Variants in PC observed in about 807,000 individuals in gnomAD.
The protein encoded by PC is pyruvate carboxylase.
Under a neutral mutation model 107.8 loss-of-function variants are expected in PC, and 46 were observed. The ratio of observed to expected loss-of-function variants is 0.43; its 90% CI spans 0.34 to 0.55. The LOEUF (loss-of-function observed/expected upper bound fraction) is 0.55. Ranked by LOEUF, PC falls within the 20% of genes least tolerant of loss-of-function variation. The pLI, the probability that PC is intolerant of heterozygous loss-of-function variation, is 0.04. For missense variants in PC, 1,241 were observed against 1,643.1 expected (o/e 0.76, Z 4.23); for synonymous variants, 662 against 684.7 (o/e 0.97, Z 0.52).
rs779304016 is a variant in PC, at chr11:66,871,877, G to A, written c.137-6C>T. 2 of 1,607,020 alleles carry A rather than the reference G, an allele frequency of 1.2e-6. No individual in the cohort carries two copies. The highest frequency in any genetic ancestry group is 1.7e-5 in the Admixed American group (1 of 59,774). On this transcript the variant is annotated splice_polypyrimidine_tract_variant and splice_region_variant and intron_variant, in intron 4 of 22. Transcript: ENST00000393960. This position sits in a 1 kb window ranked among gnomAD's most constrained non-coding sequence, Gnocchi z 7.4. ...CACACGGATGGCAATCTCACCTAGA[G>A]GGCAAAGAAACAAGAAGTTAGATTC...
Position 66,848,750 on chromosome 11 carries a change from C to G in PC, c.*149G>C. On this transcript the variant is annotated 3_prime_UTR_variant, in exon 23 of 23. Transcript: ENST00000393960. ...ACGATGGCTGAAAGGAATGAACCAC[C>G]GCAGGCGGTGTCTCTCCTGTCCAGC... 1.1e-6 allele frequency: 1 copy of G among 910,552 alleles called. No homozygotes were observed. Among genetic ancestry groups the G allele is most frequent in the Admixed American group, 2.0e-5 (1 of 49,444 alleles). The allele number at this position is 910,552 out of a possible 1,614,324, so 56.4% of individuals were successfully genotyped here.
intron 3 of PC, among the ~76,000 whole-genome samples, chr11:66,942,638 GA>G (rs1949168367): frequency 1.3e-5 from 2 of 152,096 alleles, no homozygotes; most frequent in African/African-American, 4.8e-5. Flanking sequence ...TTTACAAGAT[GA>G]AAAAAAGTCT....
rs1945889657 is a variant in PC at position 66,857,035 on chromosome 11, C to G, written c.1369-3652G>C. Reference sequence around the variant, plus strand: ...CCGCGCGCCCCTCCCCGTCCGCCCTCCACGTGCGTGTCCGCGGCGCGCGCG... The same window carrying G: ...CCGCGCGCCCCTCCCCGTCCGCCCTGCACGTGCGTGTCCGCGGCGCGCGCG... On this transcript the variant is annotated intron_variant, in intron 12 of 22. Transcript: ENST00000393960. The surrounding 1 kb of genome is among the most constrained non-coding windows in gnomAD (Gnocchi z 7.1). 6.8e-6 allele frequency: 1 copy of G among 146,620 alleles called. No homozygotes were observed. Among genetic ancestry groups the G allele is most frequent in the Non-Finnish European group, 1.5e-5 (1 of 65,904 alleles). The allele number at this position is 146,620 out of a possible 1,614,324, so 9.1% of individuals were successfully genotyped here.
intron 3 of PC, among the ~76,000 whole-genome samples, chr11:66,931,502 T>C (rs1948852382): frequency 6.6e-6 from 1 of 152,076 alleles, no homozygotes; most frequent in Non-Finnish European, 1.5e-5. Context: ...AGATGTTCAT[T>C]TTACTATTTT....
chr11:66,952,946 C>T (rs1379598877), intron 2 of PC, among the ~76,000 whole-genome samples: 1 of 152,180 alleles, frequency 6.6e-6, no homozygotes, highest in Non-Finnish European at 1.5e-5. Context: ...GTTACTCTGA[C>T]AGCCGCTCTG....
At chr11:66,942,412 AAAG>A (rs1233331878) in intron 3 of PC, among the ~76,000 whole-genome samples, 1 of 152,074 alleles carries the variant, frequency 6.6e-6, no homozygotes, top group Non-Finnish European at 1.5e-5. Context: ...AAAAAAAAAA[AAAG>A]AAATTCTGAC....
rs377618112 is a variant in PC at position 66,868,825 on chromosome 11, C to T, written c.1022+21G>A. The T allele has an allele frequency of 1.0e-4, 163 of 1,588,614 alleles. 1 individual carries two copies. In the African/African-American group the frequency reaches 1.8e-3, roughly 17 times the overall value. On this transcript the variant is annotated intron_variant, in intron 10 of 22. Transcript: ENST00000393960. ...ATCCTAGAAGCCGCGCCTCCCGCCCCGCCTGCCCGCCCACACTCACTCGGT... is the reference window on the plus strand; with the variant it reads ...ATCCTAGAAGCCGCGCCTCCCGCCCTGCCTGCCCGCCCACACTCACTCGGT...
chr11:66,849,915 C>T (rs1235435107), intron 20 of PC, 22 bp downstream of exon 20: 4 of 1,613,634 alleles, frequency 2.5e-6, no homozygotes, highest in Non-Finnish European at 3.4e-6. Flanking sequence ...CCCACCCTCA[C>T]ACCATGCTGG....
At chr11:66,909,613 G>A (rs1948277906) in intron 3 of PC, among the ~76,000 whole-genome samples, 1 of 152,196 alleles carries the variant, frequency 6.6e-6, no homozygotes, top group South Asian at 2.1e-4. Flanking sequence ...TGGGGAGCCG[G>A]AGCGGACAAG....
At chr11:66,913,060 C>G (rs1948374572) in intron 3 of PC, among the ~76,000 whole-genome samples, 1 of 152,096 alleles carries the variant, frequency 6.6e-6, no homozygotes, top group African/African-American at 2.4e-5. Flanking sequence ...CAACGTGAAA[C>G]CCGGGTGGGA....
At chr11:66,902,872 T>C (rs1280239836) in intron 3 of PC, among the ~76,000 whole-genome samples, 3 of 152,194 alleles carry the variant, frequency 2.0e-5, no homozygotes, top group African/African-American at 7.2e-5. Flanking sequence ...GTTCTGCAAA[T>C]AGCAAGAGCT....
At chr11:66,854,296 C>A (rs1162206330) in intron 12 of PC, among the ~76,000 whole-genome samples, 2 of 152,266 alleles carry the variant, frequency 1.3e-5, no homozygotes, top group Non-Finnish European at 2.9e-5. Context: ...TCTCCCTGAA[C>A]TTCTCAAGGG....
At chr11:66,859,445 G>C (rs764969882) in intron 12 of PC, among the ~76,000 whole-genome samples, 14 of 152,168 alleles carry the variant, frequency 9.2e-5, no homozygotes, top group Non-Finnish European at 1.9e-4. Flanking sequence ...CCCCTCGCTT[G>C]CCTGCGTCCT....
intron 3 of PC, among the ~76,000 whole-genome samples, chr11:66,879,608 G>A (rs1947113237): frequency 6.6e-6 from 1 of 152,226 alleles, no homozygotes; most frequent in African/African-American, 2.4e-5. Context: ...TGCAATCAGG[G>A]GAAGGGGCAG....
At position 66,857,598 on chromosome 11, in the gene PC, C is replaced by T; in HGVS notation, c.1369-4215G>A. On this transcript the variant is annotated intron_variant, in intron 12 of 22. Transcript: ENST00000393960. This position sits in a 1 kb window ranked among gnomAD's most constrained non-coding sequence, Gnocchi z 7.1. Reference sequence around the variant, plus strand: ...TGCAGGCCCCAACCTTCCCTCATCTCTGGCGGCCCTCTTGGGCCTCTGACC... The same window carrying T: ...TGCAGGCCCCAACCTTCCCTCATCTTTGGCGGCCCTCTTGGGCCTCTGACC... The T allele has an allele frequency of 1.2e-6, 1 of 830,422 alleles. No individual in the cohort carries two copies. 51.4% of individuals were successfully genotyped at this position (830,422 alleles called of 1,614,324 possible).
chr11:66,884,116 C>T lies in PC; in HGVS notation c.1-11957G>A, dbSNP rs533414904. Among the ~76,000 whole-genome samples, 21 of 152,094 alleles carry T rather than the reference C, an allele frequency of 1.4e-4. No individual in the cohort carries two copies. The East Asian group carries it at 3.3e-3, about 24-fold the overall frequency. On this transcript the variant is annotated intron_variant, in intron 3 of 22. Coordinates refer to ENST00000393960, the MANE Select transcript of PC (RefSeq NM_001040716.2). Reference sequence around the variant, plus strand: ...AAAATTAGCCGGGCATGGTGGCACACGCCTGTAATCCCAGCTACTTGGGAG... The same window carrying T: ...AAAATTAGCCGGGCATGGTGGCACATGCCTGTAATCCCAGCTACTTGGGAG...
chr11:66,907,512 G>A (rs1413014538), intron 3 of PC, among the ~76,000 whole-genome samples: 1 of 152,162 alleles, frequency 6.6e-6, no homozygotes, highest in Non-Finnish European at 1.5e-5. Flanking sequence ...GGATGACAAA[G>A]CGAGACTCAA....
At chr11:66,886,997 G>A (rs1947393240) in intron 3 of PC, among the ~76,000 whole-genome samples, 1 of 152,224 alleles carries the variant, frequency 6.6e-6, no homozygotes, top group Non-Finnish European at 1.5e-5. Context: ...TCCAGCCCCG[G>A]CCATCAGGGC....
intron 3 of PC, among the ~76,000 whole-genome samples, chr11:66,905,824 C>T (rs967554593): frequency 1.3e-5 from 2 of 152,070 alleles, no homozygotes; most frequent in Non-Finnish European, 1.5e-5. Context: ...CCCTCCCCAC[C>T]CGAACCACGG....
Sources: allele counts gnomAD v4.1 joint callset (sites outside exome capture counted in the v4.1 genomes callset), GRCh38; gene constraint gnomAD v4.1.1; non-coding constraint Gnocchi (gnomAD v3.1); transcripts MANE v1.5; gene names NCBI Gene and HGNC (gene_info 2026-07-23, HGNC 2026-07-21).